The following VTI1A variants were observed in gnomAD, a reference collection of about 807,000 sequenced individuals.
VTI1A encodes the protein vesicle transport through interaction with t-SNAREs homolog 1A.
VTI1A carries 22 observed loss-of-function variants against 34.9 expected under a neutral mutation model. The observed-to-expected ratio is 0.63, with a 90% CI of 0.45 to 0.90. The LOEUF (loss-of-function observed/expected upper bound fraction) is 0.90. VTI1A is among the 40% of genes least tolerant of loss of function. The pLI is 0.00. For missense variants in VTI1A, 268 were observed against 275.6 expected, an observed-to-expected ratio of 0.97 and a Z score of 0.20; for synonymous variants, 87 against 97.3, an observed-to-expected ratio of 0.89 and a Z score of 0.62.
At chr10:112,699,025 A>G (rs1848896384) in intron 7 of VTI1A, among the ~76,000 whole-genome samples, 1 of 152,150 alleles carries the variant, frequency 6.6e-6, no homozygotes, top group Non-Finnish European at 1.5e-5. Context: ...TCGTGTCACA[A>G]AGTATTATTT....
At chr10:112,605,487 C>G (rs1845044201) in intron 5 of VTI1A, among the ~76,000 whole-genome samples, 1 of 152,162 alleles carries the variant, frequency 6.6e-6, no homozygotes, top group East Asian at 1.9e-4. Flanking sequence ...TGAGCGTGTG[C>G]TGCTTTCAAT....
In VTI1A at chr10:112,627,273, T is replaced by C. The variant is rs118115990; in HGVS notation, c.428-40945T>C. 2.0e-5 allele frequency among the ~76,000 whole-genome samples: 3 copies of C among 152,282 alleles called. No individual in the cohort carries two copies. The East Asian group carries it at 5.8e-4, about 29-fold the overall frequency. ...GAATGACCACCTAAAGTAAGGAGATTGAAATTATCATTGATGAAAATACCT... is the reference window on the plus strand; with the variant it reads ...GAATGACCACCTAAAGTAAGGAGATCGAAATTATCATTGATGAAAATACCT... On this transcript the variant is annotated intron_variant, in intron 5 of 7. Transcript: ENST00000393077.
At chr10:112,695,903 T>C (rs866805977) in intron 7 of VTI1A, among the ~76,000 whole-genome samples, 1 of 152,184 alleles carries the variant, frequency 6.6e-6, no homozygotes, top group Admixed American at 6.5e-5. Context: ...TTTCCCGTCC[T>C]CTGAAAAGTT....
At chr10:112,447,512 G>A (rs1846915645) in intron 1 of VTI1A, 45 bp downstream of exon 1, 2 of 1,600,096 alleles carry the variant, frequency 1.2e-6, no homozygotes, top group Non-Finnish European at 1.7e-6. Flanking sequence ...GGAGAGCTGG[G>A]AGGGTGCGGG....
At chr10:112,852,620 T>G in the VTI1A span, among the ~76,000 whole-genome samples, 1 of 152,226 alleles carries the variant, frequency 6.6e-6, no homozygotes, top group African/African-American at 2.4e-5. Context: ...GCCACTCACC[T>G]TTTGTGACCA....
intron 5 of VTI1A, among the ~76,000 whole-genome samples, chr10:112,621,945 G>A (rs930104841): frequency 6.6e-6 from 1 of 152,112 alleles, no homozygotes; most frequent in East Asian, 1.9e-4. Flanking sequence ...TAGTATCACC[G>A]GGTGCTTCTT....
At chr10:112,619,460 G>A (rs1266384750) in intron 5 of VTI1A, among the ~76,000 whole-genome samples, 1 of 152,146 alleles carries the variant, frequency 6.6e-6, no homozygotes, top group African/African-American at 2.4e-5. Flanking sequence ...CTCATTTTAG[G>A]AGCTAGACTG....
At chr10:112,704,278 G>A (rs7097587) in intron 7 of VTI1A, among the ~76,000 whole-genome samples, 23,036 of 152,142 alleles carry the variant, frequency 0.15, 2,002 homozygotes, top group Middle Eastern at 0.23. Context: ...TGAAATAAAG[G>A]TTGTGTACAA....
rs1349202802 is a variant in VTI1A at position 112,631,274 on chromosome 10, G to T, written c.428-36944G>T. On this transcript the variant is annotated intron_variant, in intron 5 of 7. Transcript: ENST00000393077. The stretch of plus-strand genomic sequence containing the variant: ...TTTATTTTAATGAGGTACAATTCAC[G>T]TAATAGAAAATTAACCATTTTAAAA... 2.0e-5 allele frequency among the ~76,000 whole-genome samples: 3 copies of T among 152,242 alleles called. No homozygotes were observed. In the South Asian group the frequency reaches 6.2e-4, roughly 32 times the overall value.
chr10:112,832,227 C>G, the VTI1A span: 1 of 152,104 alleles, frequency 6.6e-6, no homozygotes, highest in Non-Finnish European at 1.5e-5. Flanking sequence ...TTCAAAACCC[C>G]CAAAGCCTTG....
chr10:112,471,449 G>A (rs895876491), intron 3 of VTI1A, among the ~76,000 whole-genome samples: 1 of 148,386 alleles, frequency 6.7e-6, no homozygotes, highest in Non-Finnish European at 1.5e-5. Context: ...AGGAAGTTAG[G>A]AATATTAGGT....
At chr10:112,684,244 T>C (rs1000846049) in intron 7 of VTI1A, among the ~76,000 whole-genome samples, 1 of 152,162 alleles carries the variant, frequency 6.6e-6, no homozygotes, top group African/African-American at 2.4e-5. Flanking sequence ...GAAAGTGTTT[T>C]CCCATGCCAT....
intron 5 of VTI1A, among the ~76,000 whole-genome samples, chr10:112,606,085 C>G (rs542301639): frequency 3.2e-4 from 47 of 149,116 alleles, no homozygotes; most frequent in Non-Finnish European, 5.8e-4. Context: ...AGTGCAATGG[C>G]GTGATCTCGG....
intron 5 of VTI1A, among the ~76,000 whole-genome samples, chr10:112,659,942 A>G (rs1264604487): frequency 5.3e-5 from 8 of 152,336 alleles, no homozygotes; most frequent in African/African-American, 7.2e-5. Flanking sequence ...GGCAAAATGG[A>G]AACAATATGA....
intron 7 of VTI1A, among the ~76,000 whole-genome samples, chr10:112,770,763 T>C (rs1034980515): frequency 6.6e-6 from 1 of 152,116 alleles, no homozygotes; most frequent in Non-Finnish European, 1.5e-5. Flanking sequence ...AACACCCTGC[T>C]TCTGCCATGT....
intron 7 of VTI1A, among the ~76,000 whole-genome samples, chr10:112,796,618 C>T (rs1852685897): frequency 6.6e-6 from 1 of 152,042 alleles, no homozygotes; most frequent in Non-Finnish European, 1.5e-5. Context: ...TCTGTCAGGC[C>T]CCAGGTTGGC....
chr10:112,805,023 G>T (rs940608168), intron 7 of VTI1A, among the ~76,000 whole-genome samples: 2 of 151,600 alleles, frequency 1.3e-5, no homozygotes, highest in African/African-American at 4.8e-5. Context: ...ACCACGCCTG[G>T]CTATTTTTTT....
intron 7 of VTI1A, among the ~76,000 whole-genome samples, chr10:112,798,893 C>A (rs1030657805): frequency 2.6e-5 from 4 of 152,214 alleles, no homozygotes; most frequent in Non-Finnish European, 5.9e-5. Flanking sequence ...TGCACACCAT[C>A]CTCCCCTAGA....
At chr10:112,553,421 C>A (rs112909496) in intron 5 of VTI1A, among the ~76,000 whole-genome samples, 3 of 152,226 alleles carry the variant, frequency 2.0e-5, no homozygotes, top group African/African-American at 7.2e-5. Context: ...TATAAAACAT[C>A]CAACACAGTG....
Sources: gnomAD v4.1 joint callset for allele counts (sites outside exome capture counted in the v4.1 genomes callset) on GRCh38, gnomAD v4.1.1 for gene constraint, MANE v1.5 for transcripts, NCBI Gene and HGNC (gene_info 2026-07-23, HGNC 2026-07-21) for gene names.